Variants in MYZAP observed in about 807,000 individuals in gnomAD.
MYZAP encodes GRINL1A complex locus upstream.
In MYZAP, 66 loss-of-function variants were observed where a neutral mutation model predicts 69.4. That is an observed-to-expected ratio of 0.95 (90% confidence interval 0.78 to 1.17). The LOEUF is 1.17. Ranked by LOEUF, MYZAP falls within the 50% of genes most tolerant of loss-of-function variation. MYZAP has a pLI of 0.00. For missense variants in MYZAP, 611 were observed against 556.2 expected (o/e 1.10, Z -0.99); for synonymous variants, 256 against 205.9 (o/e 1.24, Z -2.09).
At chr15:57,609,819 C>T (rs1405249418) in intron 2 of MYZAP, among the ~76,000 whole-genome samples, 1 of 152,168 alleles carries the variant, frequency 6.6e-6, no homozygotes, top group Non-Finnish European at 1.5e-5. Flanking sequence ...ACAGGCTGAA[C>T]ATTCAAATTA....
Position 57,595,556 on chromosome 15 carries a change from A to G in MYZAP, c.75+3447A>G, listed in dbSNP as rs899774962. 5.0e-4 allele frequency among the ~76,000 whole-genome samples: 72 copies of G among 143,710 alleles called. 2 individuals carry two copies. Among genetic ancestry groups the G allele is most frequent in the East Asian group, 2.4e-4 (1 of 4,096 alleles). 94.3% of individuals were successfully genotyped at this position (143,710 alleles called of 152,430 possible). ...TTGCGGGGAAGGCATGTGTTGCTTT[A>G]TGGCTTCCCCACAAAGCACACAACC... On this transcript the variant is annotated intron_variant, in intron 1 of 12. Transcript: ENST00000267853.
intron 10 of MYZAP, chr15:57,648,467 C>G (rs1269224190): frequency 4.1e-6 from 4 of 985,374 alleles, no homozygotes; most frequent in Non-Finnish European, 4.8e-6. Flanking sequence ...TTCTCTCATT[C>G]CAAGGCTATG....
chr15:57,673,420 T>C (rs199958540), intron 11 of MYZAP, among the ~76,000 whole-genome samples: 2 of 144,508 alleles, frequency 1.4e-5, no homozygotes, highest in East Asian at 4.3e-4. Flanking sequence ...CACTGTCTCT[T>C]TCTCTCTCTC....
chr15:57,676,420 G>GTA (rs1264217621), intron 12 of MYZAP, among the ~76,000 whole-genome samples: 42 of 33,256 alleles, frequency 1.3e-3, no homozygotes, highest in African/African-American at 2.2e-3. Context: ...GTATATATAT[G>GTA]TGTATATATA....
At chr15:57,616,037 CCA>C (rs2035418852) in intron 2 of MYZAP, among the ~76,000 whole-genome samples, 1 of 152,200 alleles carries the variant, frequency 6.6e-6, no homozygotes, top group Non-Finnish European at 1.5e-5. Context: ...CGCCCCTACC[CCA>C]TCCATGGTTC....
At chr15:57,657,067 A>G (rs371698003) in intron 10 of MYZAP, among the ~76,000 whole-genome samples, 34 of 152,244 alleles carry the variant, frequency 2.2e-4, no homozygotes, top group African/African-American at 8.2e-4. Context: ...TTTTTAAACT[A>G]CCATCTAGGG....
At chr15:57,652,078 C>T (rs1192393900) in intron 10 of MYZAP, among the ~76,000 whole-genome samples, 1 of 152,138 alleles carries the variant, frequency 6.6e-6, no homozygotes, top group Non-Finnish European at 1.5e-5. Flanking sequence ...TCATATCTAG[C>T]CTGGCTGAAT....
intron 12 of MYZAP, among the ~76,000 whole-genome samples, chr15:57,678,930 A>G (rs1224499731): frequency 6.6e-6 from 1 of 151,962 alleles, no homozygotes; most frequent in Non-Finnish European, 1.5e-5. Flanking sequence ...TAATCCCAGT[A>G]CTTTGGGAGG....
At position 57,684,531 on chromosome 15, in the gene MYZAP, C is replaced by T; in HGVS notation, c.*33C>T. 1 of 1,394,286 alleles carries T rather than the reference C, an allele frequency of 7.2e-7. No individual in the cohort carries two copies. Among genetic ancestry groups the T allele is most frequent in the East Asian group, 2.3e-5 (1 of 43,764 alleles). 86.4% of individuals were successfully genotyped at this position (1,394,286 alleles called of 1,614,324 possible). A position where few individuals can be genotyped will look rare whatever the true frequency, so the allele number is the denominator to read the frequency against. Reference sequence around the variant, plus strand: ...GAGGCATACACTTTTTACAGATGGACAAAAGCTCTGGAACCCTGTGGCTTC... The same window carrying T: ...GAGGCATACACTTTTTACAGATGGATAAAAGCTCTGGAACCCTGTGGCTTC... On this transcript the variant is annotated 3_prime_UTR_variant, in exon 13 of 13. Transcript: ENST00000267853.
intron 10 of MYZAP, among the ~76,000 whole-genome samples, chr15:57,645,330 C>T (rs2037387394): frequency 6.6e-6 from 1 of 152,184 alleles, no homozygotes; most frequent in East Asian, 1.9e-4. Context: ...AGAGTTGAGA[C>T]TTTGAGTATC....
chr15:57,630,776 C>G (rs1436271022), intron 6 of MYZAP, among the ~76,000 whole-genome samples: 3 of 152,150 alleles, frequency 2.0e-5, no homozygotes, highest in African/African-American at 7.2e-5. Context: ...TTATGTAAGT[C>G]TGTGGTTTGA....
chr15:57,629,794 G>A lies in MYZAP; in HGVS notation c.618G>A (p.Leu206=), dbSNP rs1401752359. The change falls in exon 6 of 13, where the codon CTG becomes CTA. Residue 206 remains leucine, a synonymous_variant. Transcript: ENST00000267853. ...CGTATGAAGCATCCATGGACAAGCT[G>A]AGGGAAAAGCAGAGGCAGTTGGAGG... The part of the protein sequence containing the change: ...QQTYEASMDK[L]REKQRQLEVA... 2 of 1,614,130 alleles carry A rather than the reference G, an allele frequency of 1.2e-6. No homozygotes were observed. Among genetic ancestry groups the A allele is most frequent in the East Asian group, 2.2e-5 (1 of 44,894 alleles).
chr15:57,593,190 A>ATGCGCGCG (rs376306761), intron 1 of MYZAP, among the ~76,000 whole-genome samples: 42 of 108,314 alleles, frequency 3.9e-4, no homozygotes, highest in South Asian at 9.6e-4. Context: ...ACACAGGCGC[A>ATGCGCGCG]CACACACACA....
intron 11 of MYZAP, among the ~76,000 whole-genome samples, 177 bp downstream of exon 11, chr15:57,661,710 G>A (rs950821776): frequency 2.0e-5 from 3 of 152,010 alleles, no homozygotes; most frequent in East Asian, 1.9e-4. Flanking sequence ...CTTTACCATC[G>A]GACTCCCCTC....
intron 1 of MYZAP, chr15:57,599,374 G>T (rs927899664): frequency 7.1e-5 from 56 of 789,438 alleles, no homozygotes; most frequent in Non-Finnish European, 8.1e-5. Flanking sequence ...TTTTGCCATC[G>T]TCGTACCCTC....
At chr15:57,621,779 G>T in intron 4 of MYZAP, 79 bp downstream of exon 4, 1 of 1,315,814 alleles carries the variant, frequency 7.6e-7, no homozygotes, top group African/African-American at 1.5e-5. Flanking sequence ...AGTGCCTAAA[G>T]ATATTAGAGT....
intron 1 of MYZAP, chr15:57,599,539 C>T (rs2140320795): frequency 7.9e-7 from 1 of 1,261,416 alleles, no homozygotes; most frequent in Middle Eastern, 2.7e-4. Context: ...GGATGCAGTT[C>T]TTCGCATTGT....
intron 1 of MYZAP, chr15:57,599,718 C>T (rs2034295033): frequency 2.3e-6 from 3 of 1,287,784 alleles, no homozygotes; most frequent in South Asian, 1.2e-5. Context: ...GGAATGCTGC[C>T]TTGATGTTAC....
chr15:57,626,165 C>T (rs10163178), intron 5 of MYZAP, among the ~76,000 whole-genome samples: 51,870 of 151,988 alleles, frequency 0.34, 9,047 homozygotes, highest in East Asian at 0.56. Flanking sequence ...ACCAGATACC[C>T]GAGTGGTCCT....
Sources: gnomAD v4.1 joint callset for allele counts (sites outside exome capture counted in the v4.1 genomes callset) on GRCh38, gnomAD v4.1.1 for gene constraint, MANE v1.5 for transcripts, NCBI Gene and HGNC (gene_info 2026-07-23, HGNC 2026-07-21) for gene names.